Variants in MGAT4C observed in about 807,000 individuals in gnomAD.
MGAT4C encodes the protein MGAT4 family member C.
In MGAT4C, 19 loss-of-function variants were observed where a neutral mutation model predicts 40.1. The ratio of observed to expected loss-of-function variants is 0.47; its 90% CI spans 0.33 to 0.70. The LOEUF (loss-of-function observed/expected upper bound fraction) is 0.70. Among genes scored for constraint, MGAT4C ranks in the 30% least tolerant of loss-of-function variants. The pLI is 0.02. For synonymous variants in MGAT4C, 181 were observed against 187.1 expected (o/e 0.97, Z 0.27); for missense variants, 491 against 563.2 (o/e 0.87, Z 1.30).
chr12:86,819,302 G>T (rs980369075), intron 1 of MGAT4C, among the ~76,000 whole-genome samples: 1 of 150,740 alleles, frequency 6.6e-6, no homozygotes, highest in Non-Finnish European at 1.5e-5. Flanking sequence ...TATATGATAT[G>T]AATCTTCCTT....
intron 2 of MGAT4C, among the ~76,000 whole-genome samples, chr12:86,545,392 A>C (rs1959187974): frequency 6.6e-6 from 1 of 152,014 alleles, no homozygotes; most frequent in Non-Finnish European, 1.5e-5. Context: ...TATGTCACAA[A>C]ATATTTATTT....
chr12:86,183,809 C>A (rs1477278231), intron 1 of MGAT4C, among the ~76,000 whole-genome samples: 1 of 152,162 alleles, frequency 6.6e-6, no homozygotes, highest in African/African-American at 2.4e-5. Flanking sequence ...GCCCTAAATT[C>A]TATCAACTTA....
At chr12:86,697,509 T>A (rs977716216) in intron 2 of MGAT4C, among the ~76,000 whole-genome samples, 1 of 151,982 alleles carries the variant, frequency 6.6e-6, no homozygotes, top group Non-Finnish European at 1.5e-5. Flanking sequence ...AAAATCAGAA[T>A]AAAATTTATC....
chr12:86,696,346 A>G lies in MGAT4C; in HGVS notation c.-229+30863T>C, dbSNP rs182807901. On this transcript the variant is annotated intron_variant, in intron 2 of 7. Transcript: ENST00000548651. ...TCAAAATATCTCATGAACACCTACC[A>G]CATACCCACAAAAATTAAAAACTAA... 4.3e-4 allele frequency among the ~76,000 whole-genome samples: 66 copies of G among 152,332 alleles called. 1 individual carries two copies. Among genetic ancestry groups the G allele is most frequent in the East Asian group, 1.5e-3 (8 of 5,188 alleles).
chr12:86,342,366 C>G (rs1954924043), intron 3 of MGAT4C, among the ~76,000 whole-genome samples: 1 of 152,132 alleles, frequency 6.6e-6, no homozygotes, highest in African/African-American at 2.4e-5. Flanking sequence ...CCTGAAGGAG[C>G]TATCAAGACA....
intron 2 of MGAT4C, among the ~76,000 whole-genome samples, chr12:86,501,293 AT>A (rs1414574929): frequency 6.6e-6 from 1 of 152,016 alleles, no homozygotes; most frequent in Admixed American, 6.6e-5. Flanking sequence ...TTTAAAAATT[AT>A]TTTTATTTGT....
chr12:86,649,425 C>G (rs942352942), intron 2 of MGAT4C, among the ~76,000 whole-genome samples: 4 of 151,590 alleles, frequency 2.6e-5, no homozygotes, highest in African/African-American at 9.7e-5. Flanking sequence ...ACTCGATCAG[C>G]TTTAGGTATT....
intron 2 of MGAT4C, among the ~76,000 whole-genome samples, chr12:86,566,017 C>T (rs1960080106): frequency 6.6e-6 from 1 of 152,138 alleles, no homozygotes; most frequent in African/African-American, 2.4e-5. Context: ...GGCACCCTAT[C>T]TTGGGGTGAT....
chr12:86,221,577 G>T (rs1273667449), intron 1 of MGAT4C, among the ~76,000 whole-genome samples: 4 of 152,102 alleles, frequency 2.6e-5, no homozygotes, highest in African/African-American at 9.7e-5. Flanking sequence ...TGCAATCTAA[G>T]TTAGTATATA....
chr12:86,459,462 G>C (rs1036142842), intron 2 of MGAT4C, among the ~76,000 whole-genome samples: 1 of 151,820 alleles, frequency 6.6e-6, no homozygotes, highest in Non-Finnish European at 1.5e-5. Flanking sequence ...ACATAGGAAG[G>C]GTCTGCAGGT....
chr12:86,559,563 T>C (rs10858437), intron 2 of MGAT4C, among the ~76,000 whole-genome samples: 141,662 of 152,008 alleles, frequency 0.93, 66,093 homozygotes, highest in East Asian at 1. Context: ...ACCAATGGGT[T>C]AATGAAGAAA....
At chr12:86,362,074 T>G (rs1955487607) in intron 3 of MGAT4C, among the ~76,000 whole-genome samples, 1 of 152,152 alleles carries the variant, frequency 6.6e-6, no homozygotes, top group African/African-American at 2.4e-5. Flanking sequence ...TAGCAAAGAC[T>G]TGGAACCAAC....
At chr12:86,589,640 C>T (rs1039095603) in intron 2 of MGAT4C, among the ~76,000 whole-genome samples, 8 of 151,812 alleles carry the variant, frequency 5.3e-5, no homozygotes, top group South Asian at 2.1e-4. Context: ...TGAACATTGA[C>T]GCAAAAAATC....
chr12:86,734,585 C>T (rs1011357185), intron 1 of MGAT4C, among the ~76,000 whole-genome samples: 5 of 151,900 alleles, frequency 3.3e-5, no homozygotes, highest in African/African-American at 1.2e-4. Context: ...GATTAATAAC[C>T]CCCATAGAAA....
intron 2 of MGAT4C, among the ~76,000 whole-genome samples, chr12:86,443,667 C>T (rs1443012389): frequency 1.3e-5 from 2 of 152,174 alleles, no homozygotes; most frequent in Admixed American, 1.3e-4. Context: ...GATCTCGGCT[C>T]ACTGCAAGCT....
At chr12:86,251,583 T>G (rs940105343) in intron 1 of MGAT4C, among the ~76,000 whole-genome samples, 6 of 152,062 alleles carry the variant, frequency 3.9e-5, no homozygotes, top group Non-Finnish European at 8.8e-5. Context: ...TGCTGGAACT[T>G]AACTTTACAC....
chr12:86,805,699 T>C (rs2136209568), intron 1 of MGAT4C, among the ~76,000 whole-genome samples: 1 of 152,098 alleles, frequency 6.6e-6, no homozygotes, highest in Middle Eastern at 3.4e-3. Context: ...ACATATATGT[T>C]TTTGGTAGAA....
intron 2 of MGAT4C, among the ~76,000 whole-genome samples, chr12:86,588,676 A>C (rs1268705495): frequency 2.6e-5 from 4 of 152,238 alleles, no homozygotes; most frequent in East Asian, 3.9e-4. Flanking sequence ...AGTAAATGTA[A>C]AAGAACAGAA....
intron 4 of MGAT4C, among the ~76,000 whole-genome samples, chr12:86,312,046 G>GA (rs75428910): frequency 4.0e-4 from 59 of 147,158 alleles, no homozygotes; most frequent in African/African-American, 8.9e-4. Context: ...GACCACAGAA[G>GA]AAAAAAAAAA....
Sources: gnomAD v4.1 joint callset for allele counts (sites outside exome capture counted in the v4.1 genomes callset) on GRCh38, gnomAD v4.1.1 for gene constraint, MANE v1.5 for transcripts, NCBI Gene and HGNC (gene_info 2026-07-23, HGNC 2026-07-21) for gene names.